The following CAB39L variants were observed in gnomAD, a reference collection of about 807,000 sequenced individuals.
The protein encoded by CAB39L is calcium-binding protein 39-like.
Under a neutral mutation model 39.1 loss-of-function variants are expected in CAB39L, and 23 were observed. That is an observed-to-expected ratio of 0.59 (90% CI 0.42 to 0.83). The LOEUF is 0.83. Ranked by LOEUF, CAB39L falls within the 40% of genes least tolerant of loss-of-function variation. The pLI, the probability that CAB39L is intolerant of heterozygous loss-of-function variation, is 0.00. For synonymous variants in CAB39L, 126 were observed against 137.2 expected (o/e 0.92, Z 0.57); for missense variants, 366 against 391.9 (o/e 0.93, Z 0.56).
At chr13:49,442,787 C>CAAAAAAAAAAAAAA (rs71078844) in intron 1 of CAB39L, among the ~76,000 whole-genome samples, 26 of 103,680 alleles carry the variant, frequency 2.5e-4, no homozygotes, top group African/African-American at 7.2e-4. Flanking sequence ...GACTCCATCT[C>CAAAAAAAAAAAAAA]AAAAAAAAAA....
At chr13:49,319,341 A>C (rs763346012) in intron 10 of CAB39L, among the ~76,000 whole-genome samples, 7 of 152,214 alleles carry the variant, frequency 4.6e-5, no homozygotes, top group Non-Finnish European at 1.0e-4. Flanking sequence ...AACACCACAC[A>C]AAAGGCCACA....
intron 3 of CAB39L, among the ~76,000 whole-genome samples, chr13:49,404,223 G>C (rs1034033512): frequency 6.6e-6 from 1 of 152,164 alleles, no homozygotes; most frequent in Non-Finnish European, 1.5e-5. Flanking sequence ...AAGAGAACAC[G>C]AGACTGTCTG....
At chr13:49,379,937 G>GTTCATGTCATTCTCC (rs1956217416) in intron 4 of CAB39L, among the ~76,000 whole-genome samples, 1 of 151,558 alleles carries the variant, frequency 6.6e-6, no homozygotes. Flanking sequence ...CGCCTCCCAG[G>GTTCATGTCATTCTCC]TTCATGTCAT....
At chr13:49,400,822 G>A (rs1306385600) in intron 3 of CAB39L, among the ~76,000 whole-genome samples, 1 of 152,086 alleles carries the variant, frequency 6.6e-6, no homozygotes, top group African/African-American at 2.4e-5. Context: ...ATGAAAAAAG[G>A]TATACTGTAC....
Position 49,417,338 on chromosome 13 carries a change from A to G in CAB39L, c.-32+15980T>C, listed in dbSNP as rs767564825. Reference sequence around the variant, plus strand: ...CACTTCCTTTACTCCTATTTGTATCATCTGCCTACTTGCAGTCTGCCTATT... The same window carrying G: ...CACTTCCTTTACTCCTATTTGTATCGTCTGCCTACTTGCAGTCTGCCTATT... On this transcript the variant is annotated intron_variant, in intron 3 of 10. Coordinates refer to ENST00000409308, the MANE Select transcript of CAB39L (RefSeq NM_001079670.3). Among the ~76,000 whole-genome samples, 18 of 152,214 alleles carry G rather than the reference A, an allele frequency of 1.2e-4. No individual in the cohort carries two copies. In the South Asian group the frequency reaches 1.2e-3, roughly 11 times the overall value.
At chr13:49,409,885 C>A (rs1435834397) in intron 3 of CAB39L, among the ~76,000 whole-genome samples, 33 of 145,716 alleles carry the variant, frequency 2.3e-4, no homozygotes, top group African/African-American at 8.4e-4. Flanking sequence ...CCAGCCTGGG[C>A]AACATAGGGA....
rs1007492277 is a variant in CAB39L at position 49,310,476 on chromosome 13, G to A, written c.*338C>T. The A allele has an allele frequency of 5.0e-6, 1 of 202,016 alleles. No individual in the cohort carries two copies. Among genetic ancestry groups the A allele is most frequent in the East Asian group, 1.2e-4 (1 of 8,664 alleles). 12.5% of individuals were successfully genotyped at this position (202,016 alleles called of 1,614,324 possible). On this transcript the variant is annotated 3_prime_UTR_variant, in exon 11 of 11. Transcript: ENST00000409308. Reference sequence around the variant, plus strand: ...TTCCCAGTTCTCCCCTGAGAACTCAGTCCTCCTTGAAGACTTGGTGATGCC... The same window carrying A: ...TTCCCAGTTCTCCCCTGAGAACTCAATCCTCCTTGAAGACTTGGTGATGCC...
At chr13:49,344,705 A>C (rs1296313337) in intron 7 of CAB39L, among the ~76,000 whole-genome samples, 2 of 151,974 alleles carry the variant, frequency 1.3e-5, no homozygotes, top group East Asian at 3.8e-4. Flanking sequence ...TTGTATTTTT[A>C]GCAGAGACGG....
At chr13:49,416,992 T>C (rs1259384403) in intron 3 of CAB39L, among the ~76,000 whole-genome samples, 4 of 152,202 alleles carry the variant, frequency 2.6e-5, no homozygotes, top group South Asian at 2.1e-4. Flanking sequence ...TGTTAGTCTA[T>C]AGTAATTTGG....
At chr13:49,351,063 G>A in intron 6 of CAB39L, 151 bp from the exon 7 acceptor site, 1 of 500,662 alleles carries the variant, frequency 2.0e-6, no homozygotes, top group East Asian at 3.4e-5. Context: ...GATCTACTAT[G>A]TGCCTGGCAC....
intron 10 of CAB39L, among the ~76,000 whole-genome samples, chr13:49,320,609 G>A (rs1008798583): frequency 2.0e-5 from 3 of 152,134 alleles, no homozygotes; most frequent in African/African-American, 7.2e-5. Flanking sequence ...GTATGGGGAG[G>A]TTAGTCTTCT....
At chr13:49,365,246 T>C (rs1409105311) in intron 5 of CAB39L, among the ~76,000 whole-genome samples, 1 of 152,204 alleles carries the variant, frequency 6.6e-6, no homozygotes, top group Admixed American at 6.5e-5. Flanking sequence ...AATATCCACA[T>C]GCAGAAGAAT....
chr13:49,316,630 A>G (rs1302954367), intron 10 of CAB39L, among the ~76,000 whole-genome samples: 1 of 152,228 alleles, frequency 6.6e-6, no homozygotes, highest in Non-Finnish European at 1.5e-5. Flanking sequence ...ACCATGACCA[A>G]GTGGGATTTA....
chr13:49,339,089 C>CT (rs575134955), intron 9 of CAB39L, among the ~76,000 whole-genome samples: 1 of 148,158 alleles, frequency 6.7e-6, no homozygotes, highest in Non-Finnish European at 1.5e-5. Flanking sequence ...GTGCTTAAAA[C>CT]TTAGAGGGAA....
At chr13:49,420,329 G>A (rs1159762134) in intron 3 of CAB39L, 2 of 152,170 alleles carry the variant, frequency 1.3e-5, no homozygotes, top group East Asian at 1.9e-4. Context: ...TCCTCACCTT[G>A]TTGACTTTTT....
chr13:49,431,275 T>C (rs1957318418), intron 3 of CAB39L, among the ~76,000 whole-genome samples: 1 of 152,240 alleles, frequency 6.6e-6, no homozygotes. Flanking sequence ...TTCTTTCACA[T>C]AGCGTAATTG....
intron 9 of CAB39L, 97 bp from the exon 10 acceptor site, chr13:49,332,187 G>A: frequency 7.2e-7 from 1 of 1,398,168 alleles, no homozygotes; most frequent in South Asian, 1.4e-5. Flanking sequence ...ATAAATGTGA[G>A]TAAGAATGGT....
At chr13:49,432,487 T>C (rs1957343431) in intron 3 of CAB39L, among the ~76,000 whole-genome samples, 1 of 152,222 alleles carries the variant, frequency 6.6e-6, no homozygotes, top group Non-Finnish European at 1.5e-5. Flanking sequence ...GAAATCTCTA[T>C]AGATCTCTTT....
At chr13:49,405,034 T>C (rs1045452434) in intron 3 of CAB39L, among the ~76,000 whole-genome samples, 1 of 152,128 alleles carries the variant, frequency 6.6e-6, no homozygotes, top group Non-Finnish European at 1.5e-5. Context: ...AGCAGAGAAC[T>C]TCCCAAATGT....
Sources: allele counts gnomAD v4.1 joint callset (sites outside exome capture counted in the v4.1 genomes callset), GRCh38; gene constraint gnomAD v4.1.1; transcripts MANE v1.5; gene names NCBI Gene and HGNC (gene_info 2026-07-23, HGNC 2026-07-21).